Variants in TRPC4 observed in about 807,000 individuals in gnomAD.
The protein encoded by TRPC4 is transient receptor potential cation channel subfamily C member 4.
A neutral mutation model predicts 99.4 loss-of-function variants in TRPC4; 49 were observed. That is an observed-to-expected ratio of 0.49 (90% CI 0.39 to 0.63). The LOEUF (loss-of-function observed/expected upper bound fraction) is 0.63. TRPC4 is among the 20% of genes least tolerant of loss of function. TRPC4 has a pLI of 0.00. For missense variants in TRPC4, 898 were observed against 1,152.9 expected (o/e 0.78, Z 3.20); for synonymous variants, 454 against 425.9 (o/e 1.07, Z -0.81).
chr13:37,794,298 CAATCATCTGTCCTT>C (rs1217364846), intron 1 of TRPC4, among the ~76,000 whole-genome samples: 6 of 151,988 alleles, frequency 3.9e-5, no homozygotes, highest in African/African-American at 1.4e-4. Flanking sequence ...TTAAAAGGAA[CAATCATCTGTCCTT>C]AATAACTAGC....
Position 37,674,213 on chromosome 13 carries a change from A to G in TRPC4, c.1374+15T>C, listed in dbSNP as rs1253080585. On this transcript the variant is annotated intron_variant, in intron 5 of 10. Coordinates refer to ENST00000379705, the MANE Select transcript of TRPC4 (RefSeq NM_016179.4). ...TCAGAACATATGCTTTACCAACAAC[A>G]TAAATAATAGTTACCTTTACAAATG... The G allele has an allele frequency of 6.4e-7, 1 of 1,567,482 alleles. No homozygotes were observed. Among genetic ancestry groups the G allele is most frequent in the Non-Finnish European group, 8.6e-7 (1 of 1,159,476 alleles).
intron 3 of TRPC4, 66 bp downstream of exon 3, chr13:37,745,871 T>C (rs1391999728): frequency 5.9e-6 from 9 of 1,525,532 alleles, no homozygotes; most frequent in Non-Finnish European, 7.9e-6. Context: ...ATTTTGTGAG[T>C]AGCAGTTTGC....
chr13:37,713,989 T>C (rs1954571962), intron 3 of TRPC4, among the ~76,000 whole-genome samples: 1 of 152,140 alleles, frequency 6.6e-6, no homozygotes, highest in African/African-American at 2.4e-5. Flanking sequence ...CGACTTTTCC[T>C]GAATCCTCCA....
intron 4 of TRPC4, among the ~76,000 whole-genome samples, chr13:37,681,480 T>C (rs549208878): frequency 3.3e-5 from 5 of 152,290 alleles, no homozygotes; most frequent in Middle Eastern, 3.4e-3. Context: ...TTGTTCCAGA[T>C]TGAATATCAC....
At chr13:37,657,079 TG>T (rs1322689329) in intron 6 of TRPC4, among the ~76,000 whole-genome samples, 1 of 152,246 alleles carries the variant, frequency 6.6e-6, no homozygotes, top group Admixed American at 6.5e-5. Context: ...GGATGGAAAT[TG>T]CTTTTTTAAA....
At chr13:37,856,674 T>C (rs2139698894) in intron 1 of TRPC4, among the ~76,000 whole-genome samples, 1 of 151,730 alleles carries the variant, frequency 6.6e-6, no homozygotes, top group South Asian at 2.1e-4. Context: ...ATTAGAAAGG[T>C]CATTCATCAT....
intron 3 of TRPC4, among the ~76,000 whole-genome samples, chr13:37,745,305 G>A (rs1955706770): frequency 6.6e-6 from 1 of 151,432 alleles, no homozygotes; most frequent in East Asian, 2.0e-4. Flanking sequence ...CCCATGGATA[G>A]GAAAAAATCA....
intron 3 of TRPC4, among the ~76,000 whole-genome samples, chr13:37,718,331 G>A (rs1230105491): frequency 6.6e-6 from 1 of 151,210 alleles, no homozygotes; most frequent in East Asian, 1.9e-4. Flanking sequence ...GATTATAACA[G>A]AATCTAGAGT....
chr13:37,830,099 A>G (rs979533766), intron 1 of TRPC4, among the ~76,000 whole-genome samples: 1 of 152,158 alleles, frequency 6.6e-6, no homozygotes, highest in African/African-American at 2.4e-5. Context: ...TGACTATATT[A>G]AAAACTATTA....
In TRPC4 at chr13:37,637,225, ACTT is replaced by A. The variant is rs752969074; in HGVS notation, c.2609_2611del (p.Glu870del). 40 of 1,613,766 alleles carry A rather than the reference ACTT, an allele frequency of 2.5e-5. No individual in the cohort carries two copies. The highest frequency in any genetic ancestry group is 5.0e-5 in the Admixed American group (3 of 59,928). On this transcript the variant is annotated inframe_deletion, in exon 11 of 11. Transcript: ENST00000379705. ...TGGTCCTGCAGCCTGTTGACGAGCA[ACTT>A]CTTCTGAAACAGAGAAGATTTGGTT...
intron 1 of TRPC4, among the ~76,000 whole-genome samples, chr13:37,830,820 TA>T (rs1165059152): frequency 7.0e-6 from 1 of 142,564 alleles, no homozygotes; most frequent in African/African-American, 2.6e-5. Context: ...TATATATATA[TA>T]ATATAATAGT....
chr13:37,814,715 T>C (rs757967980), intron 1 of TRPC4, among the ~76,000 whole-genome samples: 7 of 151,798 alleles, frequency 4.6e-5, no homozygotes, highest in Non-Finnish European at 8.9e-5. Flanking sequence ...GCATTTTGTA[T>C]TCATGTATTG....
Position 37,746,367 on chromosome 13 carries a change from T to A in TRPC4, c.467A>T (p.Glu156Val). ...IILAAHTNNY[E>V]IIKLLVQKGV... ...TTTCTGAACCAAGAGTTTTATTATC[T>A]CATAATTATTTGTATGGGCTGCCAA... The change falls in exon 3 of 11, where the codon GAG (glutamate) becomes GTG (valine). Residue 156 changes from glutamate to valine, a missense_variant. Glu to Val is a moderately radical substitution (Grantham distance 121). This residue lies in a region of TRPC4 where 278 missense variants were observed against 346.6 expected (regional missense o/e 0.80). Transcript: ENST00000379705. The A allele has an allele frequency of 6.2e-7, 1 of 1,613,658 alleles. No individual in the cohort carries two copies. Among genetic ancestry groups the A allele is most frequent in the Non-Finnish European group, 8.5e-7 (1 of 1,179,792 alleles).
At chr13:37,744,906 T>C (rs925997501) in intron 3 of TRPC4, among the ~76,000 whole-genome samples, 3 of 152,154 alleles carry the variant, frequency 2.0e-5, no homozygotes, top group African/African-American at 7.2e-5. Context: ...GATTCTGTTA[T>C]TTAATACAGC....
intron 1 of TRPC4, among the ~76,000 whole-genome samples, chr13:37,804,919 G>A (rs145419082): frequency 6.6e-6 from 1 of 151,904 alleles, no homozygotes; most frequent in Non-Finnish European, 1.5e-5. Flanking sequence ...ACTAATAATT[G>A]TATTCACAAA....
At chr13:37,649,731 C>CAAAAAAAAAAAAAAAAAA (rs775364702) in intron 8 of TRPC4, among the ~76,000 whole-genome samples, 2 of 62,706 alleles carry the variant, frequency 3.2e-5, no homozygotes, top group East Asian at 1.3e-3. Context: ...GACTCCGTCT[C>CAAAAAAAAAAAAAAAAAA]AAAAAAAAAA....
At chr13:37,716,872 A>G (rs1393057748) in intron 3 of TRPC4, among the ~76,000 whole-genome samples, 2 of 152,120 alleles carry the variant, frequency 1.3e-5, no homozygotes, top group Non-Finnish European at 2.9e-5. Context: ...TCTCTTGTGT[A>G]CGTCTGAGTT....
At chr13:37,854,577 A>T (rs1959137859) in intron 1 of TRPC4, among the ~76,000 whole-genome samples, 1 of 152,104 alleles carries the variant, frequency 6.6e-6, no homozygotes, top group Non-Finnish European at 1.5e-5. Context: ...TATGACATAA[A>T]GGGAAACAAT....
At chr13:37,715,010 A>T (rs570757789) in intron 3 of TRPC4, among the ~76,000 whole-genome samples, 1 of 152,228 alleles carries the variant, frequency 6.6e-6, no homozygotes, top group Non-Finnish European at 1.5e-5. Context: ...AAAGGCATGT[A>T]TGCATATGTG....
Sources: allele counts gnomAD v4.1 joint callset (sites outside exome capture counted in the v4.1 genomes callset), GRCh38; gene constraint gnomAD v4.1.1; regional missense constraint gnomAD v4.1.1; transcripts MANE v1.5; gene names NCBI Gene and HGNC (gene_info 2026-07-23, HGNC 2026-07-21).